TAFA1: variants seen among roughly 807,000 people sequenced by gnomAD.
TAFA1 encodes TAFA chemokine like family member 1.
In TAFA1, 4 loss-of-function variants were observed where a neutral mutation model predicts 18.5. The observed-to-expected ratio is 0.22, with a 90% CI of 0.11 to 0.49. TAFA1 has a LOEUF of 0.49. TAFA1 is among the 20% of genes least tolerant of loss of function. TAFA1 has a pLI of 0.98. For synonymous variants in TAFA1, 56 were observed against 55.2 expected (o/e 1.01, Z -0.06); for missense variants, 147 against 169.0 (o/e 0.87, Z 0.72).
At chr3:68,318,623 CTTCT>C (rs1200842922) in intron 2 of TAFA1, among the ~76,000 whole-genome samples, 2 of 152,262 alleles carry the variant, frequency 1.3e-5, no homozygotes, top group South Asian at 2.1e-4. Context: ...TGTTTTTCTT[CTTCT>C]TTGAGTGTTT....
At chr3:68,155,099 C>G (rs923000883) in intron 2 of TAFA1, among the ~76,000 whole-genome samples, 1 of 152,116 alleles carries the variant, frequency 6.6e-6, no homozygotes, top group Non-Finnish European at 1.5e-5. Context: ...TAACATTTCT[C>G]CCATTTTAAG....
At position 68,222,775 on chromosome 3, in the gene TAFA1, C is replaced by A. The variant is rs188680567; in HGVS notation, c.119-194505C>A. 9.2e-5 allele frequency among the ~76,000 whole-genome samples: 14 copies of A among 151,942 alleles called. 1 individual carries two copies. The highest frequency in any genetic ancestry group is 6.3e-3 in the Middle Eastern group (2 of 316). On this transcript the variant is annotated intron_variant, in intron 2 of 4. Transcript: ENST00000478136. Reference sequence around the variant, plus strand: ...TGTGATTTTGGCTCACAGGTTCAAGCGATTCTCCTGTCTCAACCTCCCAAG... The same window carrying A: ...TGTGATTTTGGCTCACAGGTTCAAGAGATTCTCCTGTCTCAACCTCCCAAG...
chr3:68,146,211 T>C (rs1236081494), intron 2 of TAFA1, among the ~76,000 whole-genome samples: 2 of 152,176 alleles, frequency 1.3e-5, no homozygotes, highest in South Asian at 2.1e-4. Context: ...CAGATTCTGG[T>C]TGAGTGGGTC....
intron 3 of TAFA1, among the ~76,000 whole-genome samples, chr3:68,477,566 AGATGG>A (rs1044473506): frequency 6.6e-6 from 1 of 151,902 alleles, no homozygotes; most frequent in African/African-American, 2.4e-5. Flanking sequence ...TTTGTAGTAG[AGATGG>A]GGTTTCACTA....
intron 2 of TAFA1, among the ~76,000 whole-genome samples, chr3:68,158,871 T>C (rs1251104883): frequency 6.6e-6 from 1 of 152,202 alleles, no homozygotes; most frequent in African/African-American, 2.4e-5. Context: ...AGAGAAATTC[T>C]TGTAGTTTGA....
At chr3:68,432,494 A>G (rs1399094226) in intron 3 of TAFA1, among the ~76,000 whole-genome samples, 1 of 151,994 alleles carries the variant, frequency 6.6e-6, no homozygotes, top group East Asian at 1.9e-4. Context: ...GAAATCATGC[A>G]ATTTTGATTG....
At chr3:68,043,059 A>T (rs1375456566) in intron 2 of TAFA1, among the ~76,000 whole-genome samples, 1 of 151,948 alleles carries the variant, frequency 6.6e-6, no homozygotes, top group African/African-American at 2.4e-5. Flanking sequence ...TAATTTTTGT[A>T]TTTTTAGTAG....
At chr3:68,085,894 T>C (rs1264794084) in intron 2 of TAFA1, among the ~76,000 whole-genome samples, 1 of 152,200 alleles carries the variant, frequency 6.6e-6, no homozygotes, top group Non-Finnish European at 1.5e-5. Flanking sequence ...TATCCAGCCA[T>C]GCCTGAACAG....
At chr3:68,511,460 A>G (rs903840262) in intron 3 of TAFA1, among the ~76,000 whole-genome samples, 1 of 152,246 alleles carries the variant, frequency 6.6e-6, no homozygotes, top group African/African-American at 2.4e-5. Flanking sequence ...GGAGAAGGTA[A>G]CTAGTTTTCT....
At chr3:68,391,409 G>C (rs1056281295) in intron 2 of TAFA1, among the ~76,000 whole-genome samples, 1 of 152,192 alleles carries the variant, frequency 6.6e-6, no homozygotes, top group Non-Finnish European at 1.5e-5. Flanking sequence ...GTGACAGGGA[G>C]AATGGAACCA....
At chr3:68,479,370 G>A (rs2072181550) in intron 3 of TAFA1, among the ~76,000 whole-genome samples, 1 of 150,726 alleles carries the variant, frequency 6.6e-6, no homozygotes, top group Non-Finnish European at 1.5e-5. Context: ...AACAGCTTTA[G>A]ACATTGTTTA....
chr3:68,186,353 T>C (rs2066271737), intron 2 of TAFA1, among the ~76,000 whole-genome samples: 1 of 152,026 alleles, frequency 6.6e-6, no homozygotes, highest in South Asian at 2.1e-4. Context: ...ACCAGAGCAG[T>C]AAGTTGAAAA....
chr3:68,381,467 C>T (rs892292383), intron 2 of TAFA1, among the ~76,000 whole-genome samples: 12 of 152,064 alleles, frequency 7.9e-5, no homozygotes, highest in Non-Finnish European at 1.5e-4. Flanking sequence ...TTGTAGTTCT[C>T]CTTGAAGAGG....
At position 68,172,901 on chromosome 3, in the gene TAFA1, CAG is replaced by C. The variant is rs369346516; in HGVS notation, c.118+166158_118+166159del. Among the ~76,000 whole-genome samples, 1,288 of 152,114 alleles carry C rather than the reference CAG, an allele frequency of 8.5e-3. 4 individuals are homozygous for C. Among genetic ancestry groups the C allele is most frequent in the Non-Finnish European group, 0.013 (886 of 67,972 alleles). Reference sequence around the variant, plus strand: ...AGAGAGTGACTGCTATGCAAATTGACAGGGGTTTCTCTTTAGGGTGGTAAAAT... The same window carrying C: ...AGAGAGTGACTGCTATGCAAATTGACGGGTTTCTCTTTAGGGTGGTAAAAT... On this transcript the variant is annotated intron_variant, in intron 2 of 4. Transcript: ENST00000478136.
In TAFA1 at chr3:68,213,902, T is replaced by G. The variant is rs543676565; in HGVS notation, c.119-203378T>G. On this transcript the variant is annotated intron_variant, in intron 2 of 4. Coordinates refer to ENST00000478136, the MANE Select transcript of TAFA1 (RefSeq NM_213609.4). ...ATTCAACCTTGACTTTCATAAAAAG[T>G]TATTTGATTTTTGCCTGCCTTAACC... Among the ~76,000 whole-genome samples the G allele has an allele frequency of 1.1e-4, 17 of 152,162 alleles. No homozygotes were observed. In the South Asian group the frequency reaches 3.3e-3, roughly 30 times the overall value.
intron 2 of TAFA1, among the ~76,000 whole-genome samples, chr3:68,355,026 G>C (rs745954620): frequency 6.6e-6 from 1 of 151,954 alleles, no homozygotes; most frequent in Admixed American, 6.6e-5. Flanking sequence ...TGGTCGTTCA[G>C]ATCCCTGTGG....
chr3:68,392,158 G>C (rs1305605605), intron 2 of TAFA1, among the ~76,000 whole-genome samples: 34 of 137,510 alleles, frequency 2.5e-4, no homozygotes, highest in African/African-American at 8.2e-4. Flanking sequence ...TAAAGGGAGG[G>C]AGGAATATTT....
At chr3:68,469,941 T>C (rs185836346) in intron 3 of TAFA1, among the ~76,000 whole-genome samples, 93 of 152,244 alleles carry the variant, frequency 6.1e-4, no homozygotes, top group African/African-American at 2.1e-3. Flanking sequence ...AAGAACATGA[T>C]GGAAGTAATT....
intron 2 of TAFA1, among the ~76,000 whole-genome samples, chr3:68,140,442 G>C (rs2065655854): frequency 6.6e-6 from 1 of 152,176 alleles, no homozygotes. Flanking sequence ...TTCCTCCTCA[G>C]TCATCTTGGA....
Sources: allele counts gnomAD v4.1 joint callset (sites outside exome capture counted in the v4.1 genomes callset), GRCh38; gene constraint gnomAD v4.1.1; transcripts MANE v1.5; gene names NCBI Gene and HGNC (gene_info 2026-07-23, HGNC 2026-07-21).